DCLRE1C: variants seen among roughly 807,000 people sequenced by gnomAD.
DCLRE1C encodes DNA cross-link repair 1C.
DCLRE1C carries 47 observed loss-of-function variants against 61.4 expected under a neutral mutation model. The ratio of observed to expected loss-of-function variants is 0.77; its 90% CI spans 0.61 to 0.98. The LOEUF is 0.98. DCLRE1C is among the 50% of genes least tolerant of loss of function. The pLI, the probability that DCLRE1C is intolerant of heterozygous loss-of-function variation, is 0.00. For synonymous variants in DCLRE1C, 337 were observed against 287.6 expected (o/e 1.17, Z -1.74); for missense variants, 858 against 816.0 (o/e 1.05, Z -0.63).
chr10:14,914,388 T>C (rs1835811383), intron 13 of DCLRE1C, among the ~76,000 whole-genome samples: 1 of 152,106 alleles, frequency 6.6e-6, no homozygotes, highest in Non-Finnish European at 1.5e-5. Context: ...CAAATGCCAA[T>C]AGAACTAATC....
At chr10:14,937,042 A>G (rs115869037) in intron 4 of DCLRE1C, among the ~76,000 whole-genome samples, 1 of 152,216 alleles carries the variant, frequency 6.6e-6, no homozygotes, top group South Asian at 2.1e-4. Context: ...AAGAAGCCGG[A>G]TAAGAAATGA....
chr10:14,954,115 G>T (rs900863946), upstream of DCLRE1C: 51 of 1,576,958 alleles, frequency 3.2e-5, no homozygotes, highest in African/African-American at 6.4e-4. Flanking sequence ...CCTCGCCATT[G>T]GGCGGCCGAA....
rs556515154 is a variant in DCLRE1C at position 14,905,169 on chromosome 10, T to C, written c.*3239A>G. On this transcript the variant is annotated 3_prime_UTR_variant, in exon 14 of 14. Transcript: ENST00000378278. ...ACCGAAGGTTTATATTCAATTCCTT[T>C]AAATGTTACTTTCCTTTTAAGATAG... Among the ~76,000 whole-genome samples the C allele has an allele frequency of 6.6e-6, 1 of 152,394 alleles. No individual in the cohort carries two copies. Among genetic ancestry groups the C allele is most frequent in the South Asian group, 2.1e-4 (1 of 4,832 alleles).
intron 3 of DCLRE1C, chr10:14,942,435 T>C (rs555396398): frequency 1.3e-5 from 2 of 152,346 alleles, no homozygotes; most frequent in South Asian, 4.1e-4. Flanking sequence ...TTGTGACTGC[T>C]CTGCAGAGGG....
intron 10 of DCLRE1C, among the ~76,000 whole-genome samples, chr10:14,927,733 C>T (rs527709330): frequency 2.0e-5 from 3 of 152,286 alleles, no homozygotes; most frequent in African/African-American, 7.2e-5. Flanking sequence ...GGGTTCTGTT[C>T]TGTATGACAT....
At chr10:14,911,496 G>A (rs1451325674) in intron 13 of DCLRE1C, among the ~76,000 whole-genome samples, 4 of 152,124 alleles carry the variant, frequency 2.6e-5, no homozygotes, top group South Asian at 2.1e-4. Flanking sequence ...AGAAATTCAA[G>A]AAGCAGGAAG....
rs1286920499 is a variant in DCLRE1C, at chr10:14,907,237, A to G, written c.*1171T>C. On this transcript the variant is annotated 3_prime_UTR_variant, in exon 14 of 14. Transcript: ENST00000378278. Reference sequence around the variant, plus strand: ...TATTCACATCAAGGTTAAGTGACTTAACATCTTTGGGGATAAATAAGGTGC... The same window carrying G: ...TATTCACATCAAGGTTAAGTGACTTGACATCTTTGGGGATAAATAAGGTGC... Among the ~76,000 whole-genome samples, 1 of 151,352 alleles carries G rather than the reference A, an allele frequency of 6.6e-6. No individual in the cohort carries two copies. The highest frequency in any genetic ancestry group is 1.9e-4 in the East Asian group (1 of 5,200).
rs1167136909 is a variant in DCLRE1C, at chr10:14,932,882, G to C, written c.752C>G (p.Thr251Ser). 1 of 1,614,218 alleles carries C rather than the reference G, an allele frequency of 6.2e-7. No homozygotes were observed. The highest frequency in any genetic ancestry group is 1.7e-5 in the Admixed American group (1 of 60,012). Residue 251 changes from threonine to serine, a missense_variant, in exon 9 of 14, where the codon ACT becomes AGT. Physicochemically the swap from Thr to Ser is moderately conservative, Grantham distance 58. Coordinates refer to ENST00000378278, the MANE Select transcript of DCLRE1C (RefSeq NM_001033855.3). ...ILHHLTTDRNTQIHACRHPKA... is the reference protein window; with the variant it reads ...ILHHLTTDRNSQIHACRHPKA... ...GGGATGCCGGCATGCATGGATCTGAGTGTTGCGGTCTGTTGTGAGATGATG... is the reference window on the plus strand; with the variant it reads ...GGGATGCCGGCATGCATGGATCTGACTGTTGCGGTCTGTTGTGAGATGATG...
intron 13 of DCLRE1C, among the ~76,000 whole-genome samples, chr10:14,912,492 C>T (rs1835424002): frequency 6.6e-6 from 1 of 152,162 alleles, no homozygotes; most frequent in South Asian, 2.1e-4. Flanking sequence ...ATTTTCATAG[C>T]ATTATTATTT....
chr10:14,925,306 C>T (rs1001581207), intron 11 of DCLRE1C, among the ~76,000 whole-genome samples: 2 of 151,546 alleles, frequency 1.3e-5, no homozygotes, highest in South Asian at 2.1e-4. Context: ...ATGAAATGGC[C>T]CCAAGGAGAT....
At chr10:14,901,977 G>T (rs1834055462), downstream of DCLRE1C, among the ~76,000 whole-genome samples, 1 of 152,092 alleles carries the variant, frequency 6.6e-6, no homozygotes. Flanking sequence ...TTGCTTTATT[G>T]TGACAATATA....
intron 13 of DCLRE1C, among the ~76,000 whole-genome samples, chr10:14,915,470 G>A (rs1334632044): frequency 6.6e-6 from 1 of 151,920 alleles, no homozygotes; most frequent in Non-Finnish European, 1.5e-5. Context: ...AATATCAGTA[G>A]ATTCTACAGA....
chr10:14,932,751 G>A (rs1839236439), intron 9 of DCLRE1C, 103 bp downstream of exon 9: 5 of 1,376,242 alleles, frequency 3.6e-6, no homozygotes, highest in Non-Finnish European at 4.1e-6. Context: ...GCAGCCTCAG[G>A]TTTTACATTT....
chr10:14,933,985 C>T (rs1459489063), intron 8 of DCLRE1C, among the ~76,000 whole-genome samples: 3 of 151,738 alleles, frequency 2.0e-5, no homozygotes, highest in African/African-American at 4.8e-5. Context: ...ATTTAGCAGG[C>T]GAGGAGGGGG....
At chr10:14,913,346 C>A (rs577604115) in intron 13 of DCLRE1C, among the ~76,000 whole-genome samples, 18 of 152,178 alleles carry the variant, frequency 1.2e-4, no homozygotes, top group Non-Finnish European at 2.6e-4. Context: ...GTTATACTAA[C>A]AGTCGTGGAA....
At chr10:14,945,918 A>G (rs751438452) in intron 2 of DCLRE1C, among the ~76,000 whole-genome samples, 1 of 149,872 alleles carries the variant, frequency 6.7e-6, no homozygotes, top group Non-Finnish European at 1.5e-5. Context: ...TCGGCCTCCC[A>G]AAGTGATGGG....
intron 11 of DCLRE1C, chr10:14,923,307 A>C (rs773216644): frequency 2.4e-5 from 12 of 490,548 alleles, no homozygotes; most frequent in African/African-American, 5.9e-5. Flanking sequence ...AGTACATTTA[A>C]ATATTCCCCA....
At chr10:14,901,064 T>A, downstream of DCLRE1C, 1 of 1,553,728 alleles carries the variant, frequency 6.4e-7, no homozygotes, top group Admixed American at 1.9e-5. Flanking sequence ...AAGTAAACAT[T>A]TTATATGGCA....
At chr10:14,945,881 C>T (rs1324491607) in intron 2 of DCLRE1C, among the ~76,000 whole-genome samples, 2 of 148,914 alleles carry the variant, frequency 1.3e-5, no homozygotes, top group African/African-American at 2.5e-5. Flanking sequence ...TGGTCTCGAA[C>T]TCCTGACCTC....
Sources: gnomAD v4.1 joint callset for allele counts (sites outside exome capture counted in the v4.1 genomes callset) on GRCh38, gnomAD v4.1.1 for gene constraint, MANE v1.5 for transcripts, NCBI Gene and HGNC (gene_info 2026-07-23, HGNC 2026-07-21) for gene names.